ELMO1: variants seen among roughly 807,000 people sequenced by gnomAD.
The protein encoded by ELMO1 is engulfment and cell motility 1, also known as engulfment and cell motility protein 1.
ELMO1 carries 26 observed loss-of-function variants against 98.9 expected under a neutral mutation model. The observed-to-expected ratio is 0.26, with a 90% CI of 0.19 to 0.36. The LOEUF is 0.36. Ranked by LOEUF, ELMO1 falls within the 10% of genes least tolerant of loss-of-function variation. ELMO1 has a pLI of 1.00. For synonymous variants in ELMO1, 346 were observed against 346.0 expected (o/e 1.00, Z 0.00); for missense variants, 627 against 935.2 (o/e 0.67, Z 4.30).
Position 37,342,718 on chromosome 7 carries a change from G to A in ELMO1, c.-28C>T, listed in dbSNP as rs773670932. The stretch of plus-strand genomic sequence containing the variant: ...TAAGTCCCCAAAATGTTCAAAGCCA[G>A]TGGGAATGAGGATCCTACAGCGTAA... On this transcript the variant is annotated 5_prime_UTR_variant, in exon 2 of 22. Transcript: ENST00000310758. This position sits in a 1 kb window ranked among gnomAD's most constrained non-coding sequence, Gnocchi z 4.3. 1.1e-5 allele frequency: 18 copies of A among 1,594,346 alleles called. No homozygotes were observed. The highest frequency in any genetic ancestry group is 1.5e-5 in the Non-Finnish European group (17 of 1,169,946).
chr7:37,250,195 T>C (rs907227343), intron 6 of ELMO1, among the ~76,000 whole-genome samples: 8 of 152,220 alleles, frequency 5.3e-5, no homozygotes, highest in South Asian at 2.1e-4. Flanking sequence ...AATTATTGTA[T>C]ATTAATTGTA....
chr7:37,215,003 T>G (rs1793200248), intron 11 of ELMO1, among the ~76,000 whole-genome samples: 1 of 152,242 alleles, frequency 6.6e-6, no homozygotes, highest in Non-Finnish European at 1.5e-5. Context: ...CTGCTGCTTC[T>G]ACATTTACTG....
At chr7:36,990,266 CT>C (rs1791787876) in intron 16 of ELMO1, among the ~76,000 whole-genome samples, 1 of 152,196 alleles carries the variant, frequency 6.6e-6, no homozygotes, top group South Asian at 2.1e-4. Context: ...GCTTACAGAG[CT>C]GCTGGTGAGC....
intron 16 of ELMO1, among the ~76,000 whole-genome samples, chr7:36,910,830 G>A (rs557900370): frequency 6.6e-6 from 1 of 152,154 alleles, no homozygotes; most frequent in Non-Finnish European, 1.5e-5. Context: ...GAGGACACGT[G>A]GTGCCTCCCT....
chr7:37,244,493 G>A lies in ELMO1; in HGVS notation c.414-102C>T, dbSNP rs865844378. 21 of 1,180,766 alleles carry A rather than the reference G, an allele frequency of 1.8e-5. No individual in the cohort carries two copies. The South Asian group carries it at 2.5e-4, about 14-fold the overall frequency. The allele number at this position is 1,180,766 out of a possible 1,614,324, so 73.1% of individuals were successfully genotyped here. On this transcript the variant is annotated intron_variant, in intron 6 of 21. Transcript: ENST00000310758. ...AAAACTCAGGATTAGATTTAGGACAGATTTAACTGCCATGAAGTAAAAGAA... is the reference window on the plus strand; with the variant it reads ...AAAACTCAGGATTAGATTTAGGACAAATTTAACTGCCATGAAGTAAAAGAA...
chr7:37,213,311 G>C, intron 12 of ELMO1, 24 bp downstream of exon 12: 4 of 1,608,098 alleles, frequency 2.5e-6, no homozygotes, highest in Non-Finnish European at 2.5e-6. Flanking sequence ...CCTGTGCTTT[G>C]ACTGCTGTCC....
At chr7:36,887,926 G>T (rs187931665) in intron 17 of ELMO1, among the ~76,000 whole-genome samples, 2 of 152,270 alleles carry the variant, frequency 1.3e-5, no homozygotes, top group African/African-American at 4.8e-5. Flanking sequence ...TTTTTCCAGA[G>T]CAAAGTGTCC....
At chr7:37,008,823 A>G (rs1793336854) in intron 16 of ELMO1, among the ~76,000 whole-genome samples, 1 of 152,218 alleles carries the variant, frequency 6.6e-6, no homozygotes, top group Non-Finnish European at 1.5e-5. Flanking sequence ...TAAGTATCAC[A>G]TGTGTTAATG....
intron 13 of ELMO1, among the ~76,000 whole-genome samples, chr7:37,201,449 G>A (rs115205892): frequency 5.5e-4 from 84 of 152,242 alleles, no homozygotes; most frequent in African/African-American, 1.9e-3. Context: ...ACAGAGTAAG[G>A]AAAAATAACT....
chr7:37,077,594 A>C (rs568363036), intron 15 of ELMO1, among the ~76,000 whole-genome samples: 1 of 152,314 alleles, frequency 6.6e-6, no homozygotes, highest in African/African-American at 2.4e-5. Context: ...TCTGAATTAG[A>C]GTGATGGGAG....
intron 13 of ELMO1, among the ~76,000 whole-genome samples, chr7:37,191,545 T>C (rs1298884503): frequency 2.0e-5 from 3 of 152,298 alleles, no homozygotes; most frequent in South Asian, 4.1e-4. Context: ...CATATGTTCA[T>C]GGAACCCCTT....
At chr7:37,172,691 T>C (rs917923195) in intron 13 of ELMO1, among the ~76,000 whole-genome samples, 3 of 152,174 alleles carry the variant, frequency 2.0e-5, no homozygotes, top group African/African-American at 7.2e-5. Context: ...TTGCCGACAA[T>C]ACCAGAACTA....
intron 2 of ELMO1, among the ~76,000 whole-genome samples, chr7:37,338,837 C>A (rs778235648): frequency 2.6e-5 from 4 of 152,148 alleles, no homozygotes; most frequent in Non-Finnish European, 5.9e-5. Context: ...TCTTTTGAGA[C>A]CTTCCTGTGA....
intron 15 of ELMO1, among the ~76,000 whole-genome samples, chr7:37,045,412 G>A (rs1450350514): frequency 1.3e-5 from 2 of 152,176 alleles, no homozygotes; most frequent in Non-Finnish European, 2.9e-5. Context: ...ATAAGATTCT[G>A]AGGATTTGCA....
chr7:36,863,171 A>G (rs1802763228), intron 20 of ELMO1, among the ~76,000 whole-genome samples: 1 of 152,196 alleles, frequency 6.6e-6, no homozygotes, highest in Admixed American at 6.5e-5. Context: ...AGAAATAGAA[A>G]CAAGCGAAGG....
intron 16 of ELMO1, among the ~76,000 whole-genome samples, chr7:36,976,807 T>G (rs902746422): frequency 7.9e-5 from 12 of 152,252 alleles, no homozygotes; most frequent in Non-Finnish European, 1.6e-4. Context: ...TGGATTATTG[T>G]AAGGCTAATT....
chr7:37,183,557 G>C (rs371997433), intron 13 of ELMO1, among the ~76,000 whole-genome samples: 2 of 56,794 alleles, frequency 3.5e-5, no homozygotes, highest in Non-Finnish European at 7.4e-5. Flanking sequence ...TCAGGACCCA[G>C]AAGAGAGAGA....
intron 7 of ELMO1, among the ~76,000 whole-genome samples, chr7:37,242,370 T>G (rs1397168874): frequency 6.6e-6 from 1 of 152,182 alleles, no homozygotes; most frequent in African/African-American, 2.4e-5. Context: ...TTTTCTTTAG[T>G]TTTTAACATA....
At chr7:37,369,745 A>T (rs1269638014) in intron 1 of ELMO1, among the ~76,000 whole-genome samples, 2 of 151,682 alleles carry the variant, frequency 1.3e-5, no homozygotes, top group African/African-American at 4.8e-5. Flanking sequence ...CAAAGGTTTG[A>T]TAAGAAAAAA....
Sources: allele counts gnomAD v4.1 joint callset (sites outside exome capture counted in the v4.1 genomes callset), GRCh38; gene constraint gnomAD v4.1.1; non-coding constraint Gnocchi (gnomAD v3.1); transcripts MANE v1.5; gene names NCBI Gene and HGNC (gene_info 2026-07-23, HGNC 2026-07-21).